FAF1: variants seen among roughly 807,000 people sequenced by gnomAD.
FAF1 encodes FAS-associated factor 1.
Under a neutral mutation model 92.5 loss-of-function variants are expected in FAF1, and 25 were observed. The ratio of observed to expected loss-of-function variants is 0.27; its 90% confidence interval spans 0.20 to 0.38. The LOEUF is 0.38. FAF1 is among the 10% of genes least tolerant of loss of function. The pLI is 1.00. For synonymous variants in FAF1, 234 were observed against 273.2 expected, an observed-to-expected ratio of 0.86 and a Z score of 1.42; for missense variants, 636 against 793.3, an observed-to-expected ratio of 0.80 and a Z score of 2.38.
chr1:50,595,605 C>T (rs944144558), intron 9 of FAF1, among the ~76,000 whole-genome samples: 1 of 152,218 alleles, frequency 6.6e-6, no homozygotes, highest in Non-Finnish European at 1.5e-5. Context: ...TGCAGTGGCG[C>T]GATCTCGGCT....
intron 7 of FAF1, among the ~76,000 whole-genome samples, chr1:50,690,911 T>C (rs1336592627): frequency 6.6e-6 from 1 of 152,200 alleles, no homozygotes; most frequent in Non-Finnish European, 1.5e-5. Flanking sequence ...GTATCTGTAT[T>C]TCATTCCATT....
chr1:50,734,064 T>TG (rs1228920998), intron 6 of FAF1, among the ~76,000 whole-genome samples: 3 of 152,246 alleles, frequency 2.0e-5, no homozygotes, highest in Admixed American at 2.0e-4. Context: ...CTCAAAGTGT[T>TG]GGGAATACAG....
rs974838034 is a variant in FAF1, at chr1:50,801,762, A to T, written c.115-85T>A. 4 of 781,572 alleles carry T rather than the reference A, an allele frequency of 5.1e-6. No individual in the cohort carries two copies. In the Admixed American group the frequency reaches 6.1e-5, roughly 12 times the overall value. The allele number at this position is 781,572 out of a possible 1,614,324, so 48.4% of individuals were successfully genotyped here. A position where few individuals can be genotyped will look rare whatever the true frequency, so the allele number is the denominator to read the frequency against. On this transcript the variant is annotated intron_variant, in intron 2 of 18. Coordinates refer to ENST00000396153, the MANE Select transcript of FAF1 (RefSeq NM_007051.3). ...GAGAACACTTTAAAAGGAAATAAGT[A>T]TATTTTTAAAAATGTATTTAAACAT...
intron 6 of FAF1, among the ~76,000 whole-genome samples, chr1:50,734,911 A>G (rs1659080084): frequency 6.6e-6 from 1 of 152,192 alleles, no homozygotes; most frequent in African/African-American, 2.4e-5. Flanking sequence ...TTGAGGGTAG[A>G]TATCAGGGAG....
chr1:50,631,838 G>A (rs942769486), intron 8 of FAF1, among the ~76,000 whole-genome samples: 1 of 152,166 alleles, frequency 6.6e-6, no homozygotes, highest in Admixed American at 6.5e-5. Flanking sequence ...GTCATGTGTT[G>A]CACCAGAAAG....
intron 6 of FAF1, among the ~76,000 whole-genome samples, chr1:50,734,886 T>G (rs1659078930): frequency 6.6e-6 from 1 of 152,226 alleles, no homozygotes; most frequent in East Asian, 1.9e-4. Context: ...CTATACATAT[T>G]TAGAAATTGA....
chr1:50,497,202 C>G (rs1348461942), intron 15 of FAF1, among the ~76,000 whole-genome samples: 1 of 152,018 alleles, frequency 6.6e-6, no homozygotes, highest in Non-Finnish European at 1.5e-5. Context: ...ACAATGACAG[C>G]CGACTTTTCA....
In FAF1 at chr1:50,501,533, C is replaced by T. The variant is rs1646984392; in HGVS notation, c.1495-9732G>A. ...AAATTTAGCTGGGCGTGGTGGCAGG[C>T]ACCTGTAATCCCAGCTACTCGGGAG... On this transcript the variant is annotated intron_variant, in intron 15 of 18. Coordinates refer to ENST00000396153, the MANE Select transcript of FAF1 (RefSeq NM_007051.3). 2.0e-5 allele frequency among the ~76,000 whole-genome samples: 3 copies of T among 151,942 alleles called. No individual in the cohort carries two copies. In the South Asian group the frequency reaches 6.2e-4, roughly 32 times the overall value.
intron 1 of FAF1, among the ~76,000 whole-genome samples, chr1:50,886,992 C>A (rs1049150085): frequency 2.6e-5 from 4 of 152,198 alleles, no homozygotes; most frequent in African/African-American, 9.7e-5. Context: ...TACAGTCCCA[C>A]CAACAGTGTA....
chr1:50,960,246 G>C lies in FAF1; in HGVS notation c.-435C>G. ...CTCCGCCTCCTCCGCTTCCTCCCTG[G>C]CCGCCGCCTCCGCCCCTGGTTGGCC... On this transcript the variant is annotated 5_prime_UTR_variant, in exon 1 of 19. Transcript: ENST00000396153. 3.0e-6 allele frequency: 1 copy of C among 332,766 alleles called. No homozygotes were observed. Among genetic ancestry groups the C allele is most frequent in the Non-Finnish European group, 5.5e-6 (1 of 182,632 alleles). The allele number at this position is 332,766 out of a possible 1,614,324, so 20.6% of individuals were successfully genotyped here.
rs371780890 is a variant in FAF1 at position 50,795,424 on chromosome 1, C to T, written c.161+6207G>A. 6.4e-4 allele frequency among the ~76,000 whole-genome samples: 97 copies of T among 152,304 alleles called. 3 individuals carry two copies. In the South Asian group the frequency reaches 0.019, roughly 30 times the overall value. On this transcript the variant is annotated intron_variant, in intron 3 of 18. Transcript: ENST00000396153. ...GGTTCTAACTAAGGAACTTGTTTCA[C>T]AGCAAAAGAAGTGCAGCACTGGGAT...
At chr1:50,456,355 T>C (rs1331723166) in intron 18 of FAF1, among the ~76,000 whole-genome samples, 2 of 152,130 alleles carry the variant, frequency 1.3e-5, no homozygotes, top group Non-Finnish European at 2.9e-5. Context: ...TCACTTCTGG[T>C]GCTTGAGTTC....
At chr1:50,923,419 A>T (rs1239975884) in intron 1 of FAF1, among the ~76,000 whole-genome samples, 1 of 152,166 alleles carries the variant, frequency 6.6e-6, no homozygotes, top group Non-Finnish European at 1.5e-5. Flanking sequence ...GTGTCTTTAA[A>T]CAAAAAAACA....
rs1334031126 is a variant in FAF1 at position 50,744,700 on chromosome 1, C to G, written c.443G>C (p.Gly148Ala). ...SKMLLKGWKT[G>A]DVEDSTVLKS... ...GAAACTCACACTGTCTTCCACATCTCCCGTCTTCCAGCCTTTTAACAGCAT... is the reference window on the plus strand; with the variant it reads ...GAAACTCACACTGTCTTCCACATCTGCCGTCTTCCAGCCTTTTAACAGCAT... The change falls in exon 5 of 19, where the codon GGA (glycine) becomes GCA (alanine). Residue 148 changes from glycine to alanine, a missense_variant. Gly to Ala is a moderately conservative substitution (Grantham distance 60). Coordinates refer to ENST00000396153, the MANE Select transcript of FAF1 (RefSeq NM_007051.3). 6.2e-7 allele frequency: 1 copy of G among 1,606,560 alleles called. No individual in the cohort carries two copies.
At chr1:50,955,996 A>G (rs1044023056) in intron 1 of FAF1, among the ~76,000 whole-genome samples, 1 of 152,162 alleles carries the variant, frequency 6.6e-6, no homozygotes, top group Non-Finnish European at 1.5e-5. Flanking sequence ...GGAGAGAGGG[A>G]TATAAGGACT....
chr1:50,954,024 C>T (rs1645243996), intron 1 of FAF1, among the ~76,000 whole-genome samples: 1 of 151,880 alleles, frequency 6.6e-6, no homozygotes, highest in South Asian at 2.1e-4. Context: ...TCTCGGCTCA[C>T]TGCAAGCTCT....
intron 8 of FAF1, among the ~76,000 whole-genome samples, chr1:50,612,709 G>C (rs1156806845): frequency 6.6e-6 from 1 of 152,180 alleles, no homozygotes; most frequent in Admixed American, 6.5e-5. Context: ...ATCTTGTCCT[G>C]GCTTTTCCTC....
chr1:50,899,097 C>G (rs1173742284), intron 1 of FAF1, among the ~76,000 whole-genome samples: 2 of 152,012 alleles, frequency 1.3e-5, no homozygotes, highest in Non-Finnish European at 2.9e-5. Context: ...CACTAGTATA[C>G]AAGTTCACTA....
chr1:50,467,438 C>T (rs1364800245), intron 18 of FAF1, among the ~76,000 whole-genome samples: 2 of 152,082 alleles, frequency 1.3e-5, no homozygotes, highest in Admixed American at 1.3e-4. Context: ...CTCAGCCTCC[C>T]GAGTAGCTGG....
Sources: gnomAD v4.1 joint callset for allele counts (sites outside exome capture counted in the v4.1 genomes callset) on GRCh38, gnomAD v4.1.1 for gene constraint, MANE v1.5 for transcripts, NCBI Gene and HGNC (gene_info 2026-07-23, HGNC 2026-07-21) for gene names.